Variants in ITPR1 observed in about 807,000 individuals in gnomAD.
ITPR1 encodes the protein inositol 1,4,5-trisphosphate receptor type 1.
Under a neutral mutation model 318.4 loss-of-function variants are expected in ITPR1, and 96 were observed. That is an observed-to-expected ratio of 0.30 (90% CI 0.26 to 0.36). The LOEUF (loss-of-function observed/expected upper bound fraction) is 0.36, where lower values mean the gene tolerates loss of function less well. Among genes scored for constraint, ITPR1 ranks in the 10% least tolerant of loss-of-function variants. ITPR1 has a pLI of 1.00. For missense variants in ITPR1, 2,440 were observed against 3,460.2 expected (o/e 0.71, Z 7.40); for synonymous variants, 1,312 against 1,289.9 (o/e 1.02, Z -0.37).
At chr3:4,608,464 C>T (rs1175697972) in intron 4 of ITPR1, among the ~76,000 whole-genome samples, 1 of 152,142 alleles carries the variant, frequency 6.6e-6, no homozygotes, top group African/African-American at 2.4e-5. Flanking sequence ...TCCATCTTCC[C>T]ACTTTTGCTA....
rs187579727 is a variant in ITPR1, at chr3:4,743,000, G to T, written c.5544+7646G>T. ...GGAAATTTCATTGCCTTGAGTACAGGTTATTTAGGTTGGTGCAAAAGTAAT... is the reference window on the plus strand; with the variant it reads ...GGAAATTTCATTGCCTTGAGTACAGTTTATTTAGGTTGGTGCAAAAGTAAT... On this transcript the variant is annotated intron_variant, in intron 44 of 61. Coordinates refer to ENST00000649015, the MANE Select transcript of ITPR1 (RefSeq NM_001378452.1). Among the ~76,000 whole-genome samples, 71 of 152,334 alleles carry T rather than the reference G, an allele frequency of 4.7e-4. 1 individual carries two copies. Among genetic ancestry groups the T allele is most frequent in the African/African-American group, 1.7e-3 (71 of 41,570 alleles).
At chr3:4,514,690 G>A (rs1205761256) in intron 2 of ITPR1, among the ~76,000 whole-genome samples, 1 of 152,202 alleles carries the variant, frequency 6.6e-6, no homozygotes, top group Admixed American at 6.5e-5. Flanking sequence ...ATGCCAGGGT[G>A]TACAGACATA....
intron 51 of ITPR1, 122 bp from the exon 52 acceptor site, chr3:4,787,825 G>T: frequency 1.5e-6 from 1 of 645,558 alleles, no homozygotes; most frequent in Non-Finnish European, 2.6e-6. Flanking sequence ...CCAGTTTGGG[G>T]TTATAAAATC....
chr3:4,493,709 A>G (rs2080316710), intron 1 of ITPR1, 104 bp downstream of exon 1: 1 of 152,006 alleles, frequency 6.6e-6, no homozygotes, highest in Non-Finnish European at 1.5e-5. Flanking sequence ...ATGTGCATGC[A>G]CTTGGCATGC....
At chr3:4,683,347 G>GTCAT in intron 26 of ITPR1, 39 bp from the exon 27 acceptor site, 1 of 1,612,230 alleles carries the variant, frequency 6.2e-7, no homozygotes, top group Non-Finnish European at 8.5e-7. Flanking sequence ...GGAGGCATTT[G>GTCAT]TCATTCATTT....
At chr3:4,505,402 A>G (rs2081329598) in intron 2 of ITPR1, among the ~76,000 whole-genome samples, 1 of 152,252 alleles carries the variant, frequency 6.6e-6, no homozygotes, top group African/African-American at 2.4e-5. Flanking sequence ...CATGTTGGCC[A>G]GGATGGTCTC....
At position 4,665,157 on chromosome 3, in the gene ITPR1, C is replaced by T; in HGVS notation, c.1574C>T (p.Ala525Val). The T allele has an allele frequency of 6.2e-7, 1 of 1,614,000 alleles. No individual in the cohort carries two copies. The highest frequency in any genetic ancestry group is 8.5e-7 in the Non-Finnish European group (1 of 1,179,864). ...ILKQIFKLLQAPFTDCGDGPM... is the reference protein window; with the variant it reads ...ILKQIFKLLQVPFTDCGDGPM... ...AAACAGATCTTCAAGTTGTTACAAG[C>T]CCCATTCACAGACTGCGGTGATGGC... The change falls in exon 17 of 62, where the codon GCC becomes GTC. Residue 525 changes from alanine (A) to valine (V), a missense_variant. Around this residue, in one of 23 missense-constraint regions of ITPR1, gnomAD observed 478 missense variants for 696.3 expected, o/e 0.69. Coordinates refer to ENST00000649015, the MANE Select transcript of ITPR1 (RefSeq NM_001378452.1).
At chr3:4,657,485 T>C (rs1462976273) in intron 12 of ITPR1, among the ~76,000 whole-genome samples, 5 of 151,294 alleles carry the variant, frequency 3.3e-5, no homozygotes, top group African/African-American at 1.2e-4. Flanking sequence ...TTTTTTTTTT[T>C]GAGACAGAGT....
intron 40 of ITPR1, among the ~76,000 whole-genome samples, chr3:4,725,010 G>C (rs2042407168): frequency 6.6e-6 from 1 of 152,150 alleles, no homozygotes; most frequent in Non-Finnish European, 1.5e-5. Flanking sequence ...CTAAGCCCAA[G>C]CTGGAGCCTA....
In ITPR1 at chr3:4,663,434, A is replaced by G. The variant is rs74971639; in HGVS notation, c.1554+228A>G. Reference sequence around the variant, plus strand: ...AAGAAAAAGAGAAATCAATGGGATCATTGAGGGATATTGGTGATTCCCACC... The same window carrying G: ...AAGAAAAAGAGAAATCAATGGGATCGTTGAGGGATATTGGTGATTCCCACC... On this transcript the variant is annotated intron_variant, in intron 16 of 61. Coordinates refer to ENST00000649015, the MANE Select transcript of ITPR1 (RefSeq NM_001378452.1). 0.019 allele frequency among the ~76,000 whole-genome samples: 2,889 copies of G among 152,294 alleles called. 83 individuals are homozygous for G. Among genetic ancestry groups the G allele is most frequent in the African/African-American group, 0.064 (2,676 of 41,562 alleles).
intron 2 of ITPR1, among the ~76,000 whole-genome samples, chr3:4,514,534 C>T (rs943764007): frequency 6.6e-6 from 1 of 152,136 alleles, no homozygotes. Context: ...CAGGCATTTT[C>T]TGGCCTAGTC....
At chr3:4,574,214 T>TC (rs890417404) in intron 4 of ITPR1, among the ~76,000 whole-genome samples, 1 of 151,874 alleles carries the variant, frequency 6.6e-6, no homozygotes, top group African/African-American at 2.4e-5. Context: ...TTTTTTTTTT[T>TC]CAGCCTCTTA....
intron 44 of ITPR1, among the ~76,000 whole-genome samples, chr3:4,757,351 T>C (rs935320377): frequency 1.3e-5 from 2 of 152,234 alleles, no homozygotes; most frequent in African/African-American, 4.8e-5. Flanking sequence ...GGAACCCATA[T>C]TAACAAATGT....
chr3:4,568,309 T>G (rs1371021480), intron 4 of ITPR1, among the ~76,000 whole-genome samples: 1 of 152,236 alleles, frequency 6.6e-6, no homozygotes, highest in African/African-American at 2.4e-5. Flanking sequence ...GACTGCATGC[T>G]TTCATCTTTT....
At chr3:4,643,589 T>C (rs1406617434) in intron 7 of ITPR1, among the ~76,000 whole-genome samples, 1 of 55,838 alleles carries the variant, frequency 1.8e-5, no homozygotes, top group Non-Finnish European at 4.2e-5. Context: ...ATGATAAGTA[T>C]TGTTTTTTTG....
At chr3:4,811,670 G>A (rs2048947367) in intron 56 of ITPR1, among the ~76,000 whole-genome samples, 1 of 152,200 alleles carries the variant, frequency 6.6e-6, no homozygotes, top group Non-Finnish European at 1.5e-5. Flanking sequence ...GACCAGATCT[G>A]ACATTTATTT....
In ITPR1 at chr3:4,699,952, A is replaced by AC; in HGVS notation, c.4536+13dup. The AC allele has an allele frequency of 1.2e-6, 2 of 1,610,996 alleles. No individual in the cohort carries two copies. The highest frequency in any genetic ancestry group is 1.7e-6 in the Non-Finnish European group (2 of 1,177,466). On this transcript the variant is annotated intron_variant, in intron 35 of 61. Coordinates refer to ENST00000649015, the MANE Select transcript of ITPR1 (RefSeq NM_001378452.1). ...AGTACGACTTTGCAGGTAAGAAATA[A>AC]CCAACGTCAAGCAGAATGTTCACGA...
chr3:4,664,919 G>C (rs1349005315), intron 16 of ITPR1, among the ~76,000 whole-genome samples: 1 of 152,202 alleles, frequency 6.6e-6, no homozygotes, highest in Non-Finnish European at 1.5e-5. Context: ...GCACTGTGCT[G>C]TTAGGTGTAT....
intron 5 of ITPR1, among the ~76,000 whole-genome samples, chr3:4,632,923 T>C (rs2093057502): frequency 6.7e-6 from 1 of 148,676 alleles, no homozygotes; most frequent in South Asian, 2.1e-4. Context: ...GATGTGACTT[T>C]CAGGTCTTTT....
Sources: allele counts gnomAD v4.1 joint callset (sites outside exome capture counted in the v4.1 genomes callset), GRCh38; gene constraint gnomAD v4.1.1; regional missense constraint gnomAD v4.1.1; transcripts MANE v1.5; gene names NCBI Gene and HGNC (gene_info 2026-07-23, HGNC 2026-07-21).